Variants in SHLD2 observed in about 807,000 individuals in gnomAD.
The protein encoded by SHLD2 is RINN1-REV7-interacting novel NHEJ regulator 2.
In SHLD2, 30 loss-of-function variants were observed where a neutral mutation model predicts 73.2. The observed-to-expected ratio is 0.41, with a 90% CI of 0.31 to 0.56. The LOEUF (loss-of-function observed/expected upper bound fraction) is 0.56, where lower values mean the gene tolerates loss of function less well. SHLD2 is among the 20% of genes least tolerant of loss of function. The pLI, the probability that SHLD2 is intolerant of heterozygous loss-of-function variation, is 0.28. For synonymous variants in SHLD2, 285 were observed against 370.1 expected (o/e 0.77, Z 2.64); for missense variants, 745 against 1,055.9 (o/e 0.71, Z 4.08).
At chr10:87,111,823 A>C (rs1842943398) in intron 2 of SHLD2, among the ~76,000 whole-genome samples, 3 of 152,050 alleles carry the variant, frequency 2.0e-5, no homozygotes, top group African/African-American at 7.2e-5. Context: ...TAAGAAAGTG[A>C]AAAGACAACC....
intron 2 of SHLD2, among the ~76,000 whole-genome samples, chr10:87,133,616 C>T (rs945409863): frequency 8.5e-5 from 13 of 152,146 alleles, no homozygotes; most frequent in Admixed American, 1.3e-4. Context: ...ATCTGTAATT[C>T]CTGCTTAGAA....
chr10:87,127,219 T>C (rs1328404130), intron 2 of SHLD2, among the ~76,000 whole-genome samples: 2 of 152,014 alleles, frequency 1.3e-5, no homozygotes, highest in African/African-American at 4.8e-5. Context: ...ATAACTCAAT[T>C]TGGAGAGCAC....
chr10:87,182,856 C>T (rs1190651044), intron 8 of SHLD2, among the ~76,000 whole-genome samples: 8 of 150,646 alleles, frequency 5.3e-5, no homozygotes, highest in Admixed American at 2.0e-4. Flanking sequence ...GGTGTCTCCA[C>T]GGGCTGCCTG....
At chr10:87,170,333 A>G in intron 4 of SHLD2, 145 bp from the exon 5 acceptor site, 1 of 550,412 alleles carries the variant, frequency 1.8e-6, no homozygotes, top group East Asian at 3.0e-5. Flanking sequence ...AGACTTAGCT[A>G]TTGTACATGT....
At chr10:87,122,360 C>A (rs1212848246) in intron 2 of SHLD2, among the ~76,000 whole-genome samples, 5 of 152,108 alleles carry the variant, frequency 3.3e-5, no homozygotes, top group Admixed American at 1.3e-4. Context: ...TAAATTTAAT[C>A]AAATATTCTG....
chr10:87,151,774 G>C lies in SHLD2; in HGVS notation c.420G>C (p.Lys140Asn). ...TCACCGAAGAAGAAAAGTATCAAAA[G>C]CTTCTCAGTGAAAATAAAATTAGAG... ...PHFTEEEKYQ[K>N]LLSENKIRDE... The change falls in exon 3 of 10, where the codon AAG (lysine) becomes AAC (asparagine). Residue 140 changes from lysine (K) to asparagine (N), a missense_variant. By Grantham distance (94) the Lys-to-Asn change is moderately conservative. Coordinates refer to ENST00000298786, the MANE Select transcript of SHLD2 (RefSeq NM_001330112.2). 2 of 1,611,942 alleles carry C rather than the reference G, an allele frequency of 1.2e-6. No homozygotes were observed. The highest frequency in any genetic ancestry group is 1.7e-6 in the Non-Finnish European group (2 of 1,179,842).
intron 3 of SHLD2, among the ~76,000 whole-genome samples, chr10:87,157,622 T>C (rs963581740): frequency 1.3e-5 from 2 of 152,238 alleles, no homozygotes; most frequent in African/African-American, 4.8e-5. Flanking sequence ...GAATGCCTTA[T>C]ATTCAGATAT....
At chr10:87,139,435 G>T (rs1167578259) in intron 2 of SHLD2, among the ~76,000 whole-genome samples, 1 of 152,130 alleles carries the variant, frequency 6.6e-6, no homozygotes, top group Non-Finnish European at 1.5e-5. Flanking sequence ...GCAGGAAAAT[G>T]ACCCATAACC....
At chr10:87,164,900 T>C (rs1181431029) in intron 4 of SHLD2, among the ~76,000 whole-genome samples, 2 of 151,924 alleles carry the variant, frequency 1.3e-5, no homozygotes, top group African/African-American at 4.8e-5. Context: ...AAATAGAGAA[T>C]TACTGGCCAT....
intron 4 of SHLD2, among the ~76,000 whole-genome samples, chr10:87,165,519 A>G (rs913084597): frequency 6.6e-6 from 1 of 152,240 alleles, no homozygotes; most frequent in Non-Finnish European, 1.5e-5. Flanking sequence ...GGAATTGCCA[A>G]AAATGCATAA....
chr10:87,095,502 C>A (rs1279618224), intron 1 of SHLD2, among the ~76,000 whole-genome samples: 1 of 152,156 alleles, frequency 6.6e-6, no homozygotes, highest in Non-Finnish European at 1.5e-5. Context: ...CGTGCAGGGG[C>A]TGACACGTGG....
At chr10:87,131,842 A>G (rs1262256759) in intron 2 of SHLD2, among the ~76,000 whole-genome samples, 2 of 152,220 alleles carry the variant, frequency 1.3e-5, no homozygotes, top group African/African-American at 4.8e-5. Context: ...AGCAATACAC[A>G]AGTGTCCCAA....
chr10:87,135,011 A>T (rs1364275318), intron 2 of SHLD2, among the ~76,000 whole-genome samples: 1 of 151,948 alleles, frequency 6.6e-6, no homozygotes, highest in African/African-American at 2.4e-5. Context: ...GAGCTCCTAC[A>T]GTTTTTTTTT....
intron 4 of SHLD2, among the ~76,000 whole-genome samples, chr10:87,165,323 A>G (rs912968472): frequency 5.3e-5 from 8 of 152,202 alleles, no homozygotes; most frequent in Admixed American, 1.3e-4. Context: ...GAGAGAGAGC[A>G]TTGCATAGTC....
chr10:87,161,578 GC>G (rs1203498002), intron 4 of SHLD2, among the ~76,000 whole-genome samples: 1 of 152,116 alleles, frequency 6.6e-6, no homozygotes, highest in Non-Finnish European at 1.5e-5. Flanking sequence ...AATATGCAAA[GC>G]CTATATGAGG....
intron 2 of SHLD2, among the ~76,000 whole-genome samples, chr10:87,116,606 G>A (rs1440783440): frequency 5.4e-5 from 7 of 129,138 alleles, no homozygotes; most frequent in Non-Finnish European, 1.2e-4. Context: ...CACTGAGATA[G>A]TGGGGAGGAA....
intron 2 of SHLD2, among the ~76,000 whole-genome samples, chr10:87,135,660 ATTT>A (rs71276300): frequency 4.5e-5 from 6 of 133,554 alleles, no homozygotes; most frequent in Non-Finnish European, 6.4e-5. Flanking sequence ...CACCTGGCTA[ATTT>A]TTTTTTTTTT....
chr10:87,190,365 A>G (rs1848986653), intron 9 of SHLD2, 119 bp from the exon 10 acceptor site: 12 of 890,436 alleles, frequency 1.3e-5, no homozygotes, highest in Non-Finnish European at 2.2e-5. Flanking sequence ...GGACGGGAGG[A>G]GAAATTTAAA....
intron 2 of SHLD2, among the ~76,000 whole-genome samples, chr10:87,106,407 C>A (rs764848361): frequency 2.2e-5 from 3 of 133,660 alleles, no homozygotes; most frequent in Non-Finnish European, 3.2e-5. Context: ...ATTTTTTTAA[C>A]GCAATTTACA....
Sources: gnomAD v4.1 joint callset for allele counts (sites outside exome capture counted in the v4.1 genomes callset) on GRCh38, gnomAD v4.1.1 for gene constraint, MANE v1.5 for transcripts, NCBI Gene and HGNC (gene_info 2026-07-23, HGNC 2026-07-21) for gene names.